Variants in SULT4A1 observed in about 807,000 individuals in gnomAD.
SULT4A1 encodes sulfotransferase family 4A member 1.
In SULT4A1, 11 loss-of-function variants were observed where a neutral mutation model predicts 35.2. That is an observed-to-expected ratio of 0.31 (90% CI 0.20 to 0.52). The LOEUF is 0.52. Among genes scored for constraint, SULT4A1 ranks in the 20% least tolerant of loss-of-function variants. The pLI, the probability that SULT4A1 is intolerant of heterozygous loss-of-function variation, is 0.97. For missense variants in SULT4A1, 271 were observed against 383.7 expected (o/e 0.71, Z 2.45); for synonymous variants, 152 against 151.8 (o/e 1.00, Z -0.01).
Position 43,833,718 on chromosome 22 carries a change from C to A in SULT4A1, c.525G>T (p.Trp175Cys). The A allele has an allele frequency of 6.4e-7, 1 of 1,573,784 alleles. No individual in the cohort carries two copies. The highest frequency in any genetic ancestry group is 8.6e-7 in the Non-Finnish European group (1 of 1,159,042). ...FMNDKLGYGS[W>C]FEHVQEFWEH... ...CCCAGAACTCCTGCACGTGCTCAAA[C>A]CAGGAGCCGTAGCCCACTGCGGAGA... is the stretch of plus-strand genomic sequence containing the variant. Residue 175 changes from tryptophan to cysteine, a missense_variant, in exon 5 of 7, where the codon TGG (tryptophan) becomes TGT (cysteine). This residue lies in a region of SULT4A1 where 164 missense variants were observed against 254.1 expected (regional missense o/e 0.65). Transcript: ENST00000330884.
At chr22:43,849,751 A>C (rs1481540764) in intron 1 of SULT4A1, among the ~76,000 whole-genome samples, 2 of 152,206 alleles carry the variant, frequency 1.3e-5, no homozygotes, top group Non-Finnish European at 2.9e-5. Context: ...CTCGGGTGCC[A>C]CGAGTGCAGG....
In SULT4A1 at chr22:43,825,225, T is replaced by C. The variant is rs2063278580; in HGVS notation, c.*776A>G. 1 of 152,216 alleles carries C rather than the reference T, an allele frequency of 6.6e-6. No individual in the cohort carries two copies. Among genetic ancestry groups the C allele is most frequent in the African/African-American group, 2.4e-5 (1 of 41,442 alleles). 9.4% of individuals were successfully genotyped at this position (152,216 alleles called of 1,614,324 possible). A position where few individuals can be genotyped will look rare whatever the true frequency, so the allele number is the denominator to read the frequency against. On this transcript the variant is annotated 3_prime_UTR_variant, in exon 7 of 7. Transcript: ENST00000330884. The stretch of plus-strand genomic sequence containing the variant: ...GCAACTCGGTCCTTTGGTGGCCGAC[T>C]CTCCACCCACTGCATGCAAATGCTC...
At position 43,833,630 on chromosome 22, in the gene SULT4A1, C is replaced by T; in HGVS notation, c.603+10G>A. 1 of 1,589,024 alleles carries T rather than the reference C, an allele frequency of 6.3e-7. No homozygotes were observed. Among genetic ancestry groups the T allele is most frequent in the South Asian group, 1.1e-5 (1 of 87,606 alleles). On this transcript the variant is annotated intron_variant, in intron 5 of 6. Transcript: ENST00000330884. ...GGCACCCGGAGGACAGCTGCTCCGGCAGCACTCACCCGATGCATGTCTTCA... is the reference window on the plus strand; with the variant it reads ...GGCACCCGGAGGACAGCTGCTCCGGTAGCACTCACCCGATGCATGTCTTCA...
intron 6 of SULT4A1, chr22:43,827,071 C>T (rs976954144): frequency 3.0e-6 from 3 of 985,424 alleles, no homozygotes; most frequent in Non-Finnish European, 3.6e-6. Flanking sequence ...CAACGGTGAC[C>T]GTGAAGATGT....
chr22:43,825,998 T>C lies in SULT4A1; in HGVS notation c.*3A>G. On this transcript the variant is annotated 3_prime_UTR_variant, in exon 7 of 7. Transcript: ENST00000330884. ...GTGAGCATGCAGGTTGTTGTTTCTG[T>C]TATTATAAATAAAAGTCAAACGTGA... The C allele has an allele frequency of 6.2e-7, 1 of 1,613,646 alleles. No homozygotes were observed. Among genetic ancestry groups the C allele is most frequent in the South Asian group, 1.1e-5 (1 of 91,012 alleles).
At chr22:43,859,987 G>A (rs917853282) in intron 1 of SULT4A1, among the ~76,000 whole-genome samples, 2 of 152,208 alleles carry the variant, frequency 1.3e-5, no homozygotes, top group Non-Finnish European at 2.9e-5. Flanking sequence ...GCAGCACGGG[G>A]TTGTGGGAAA....
At chr22:43,828,095 A>G (rs1603403683) in intron 6 of SULT4A1, among the ~76,000 whole-genome samples, 1 of 152,334 alleles carries the variant, frequency 6.6e-6, no homozygotes, top group African/African-American at 2.4e-5. Context: ...AGGGCAGCAG[A>G]GCTGAGCTGG....
At chr22:43,850,559 G>A (rs780332196) in intron 1 of SULT4A1, among the ~76,000 whole-genome samples, 15 of 152,110 alleles carry the variant, frequency 9.9e-5, no homozygotes, top group Non-Finnish European at 2.9e-5. Flanking sequence ...GTGGGTGTTC[G>A]CTCGATCCTG....
chr22:43,828,881 A>G (rs2063306291), intron 6 of SULT4A1, 179 bp downstream of exon 6: 2 of 614,062 alleles, frequency 3.3e-6, no homozygotes, highest in African/African-American at 3.8e-5. Context: ...TCACTCCATG[A>G]GCACTGTGCC....
chr22:43,854,244 G>C (rs1184227960), intron 1 of SULT4A1, among the ~76,000 whole-genome samples: 1 of 152,196 alleles, frequency 6.6e-6, no homozygotes, highest in African/African-American at 2.4e-5. Flanking sequence ...ACGACCATGT[G>C]ACATGGCCAA....
rs7284891 is a variant in SULT4A1, at chr22:43,831,520, G to A, written c.603+2120C>T. Among the ~76,000 whole-genome samples, 1,192 of 152,210 alleles carry A rather than the reference G, an allele frequency of 7.8e-3. 18 individuals carry two copies. Among genetic ancestry groups the A allele is most frequent in the African/African-American group, 0.028 (1,157 of 41,550 alleles). On this transcript the variant is annotated intron_variant, in intron 5 of 6. Transcript: ENST00000330884. Reference sequence around the variant, plus strand: ...TCCACCAAGACTCCAGAACGTCCACGGAGGCTTTATTCATGACCACCCCAA... The same window carrying A: ...TCCACCAAGACTCCAGAACGTCCACAGAGGCTTTATTCATGACCACCCCAA...
At position 43,862,205 on chromosome 22, in the gene SULT4A1, G is replaced by T; in HGVS notation, c.169+9C>A. The T allele has an allele frequency of 6.5e-7, 1 of 1,533,880 alleles. No homozygotes were observed. The highest frequency in any genetic ancestry group is 1.2e-5 in the South Asian group (1 of 85,120). On this transcript the variant is annotated intron_variant, in intron 1 of 6. Coordinates refer to ENST00000330884, the MANE Select transcript of SULT4A1 (RefSeq NM_014351.4). ...ATGGCGTGGCGGGCGCGGTCGGCGC[G>T]GGGCTCACCGGACTTGGGGTAGGTG...
chr22:43,852,258 CCTGG>C (rs2148301910), intron 1 of SULT4A1, among the ~76,000 whole-genome samples: 2 of 152,254 alleles, frequency 1.3e-5, no homozygotes, highest in East Asian at 3.9e-4. Context: ...GCCTCACCCT[CCTGG>C]GTCCAAGGGA....
At chr22:43,859,299 CA>C (rs1276750887) in intron 1 of SULT4A1, among the ~76,000 whole-genome samples, 3 of 152,216 alleles carry the variant, frequency 2.0e-5, no homozygotes, top group Non-Finnish European at 4.4e-5. Context: ...AACTGAGGTT[CA>C]AAGAAACCAG....
rs1254673088 is a variant in SULT4A1, at chr22:43,836,348, T to C, written c.508+2519A>G. On this transcript the variant is annotated intron_variant, in intron 4 of 6. Transcript: ENST00000330884. The stretch of plus-strand genomic sequence containing the variant: ...CTGCAGGTGCCACAGGGACCCTGTC[T>C]ACACAGCGTCCTCCAACTGCAGGTG... 4.4e-5 allele frequency among the ~76,000 whole-genome samples: 6 copies of C among 137,300 alleles called. No individual in the cohort carries two copies. In the East Asian group the frequency reaches 8.7e-4, roughly 20 times the overall value. 90.1% of individuals were successfully genotyped at this position (137,300 alleles called of 152,430 possible).
Position 43,825,863 on chromosome 22 carries a change from C to G in SULT4A1, c.*138G>C. On this transcript the variant is annotated 3_prime_UTR_variant, in exon 7 of 7. Transcript: ENST00000330884. ...TGGGAATCATCACACTCCCTCCGCT[C>G]ACGCCGCTCTTCCCTTCCCCCGCTG... 1.2e-6 allele frequency: 1 copy of G among 820,576 alleles called. No homozygotes were observed. 50.8% of individuals were successfully genotyped at this position (820,576 alleles called of 1,614,324 possible).
chr22:43,860,880 G>A (rs1021302489), intron 1 of SULT4A1, among the ~76,000 whole-genome samples: 6 of 152,134 alleles, frequency 3.9e-5, no homozygotes, highest in African/African-American at 1.2e-4. Context: ...GCTGGCCGTG[G>A]ACCGGGAGAC....
At chr22:43,842,170 G>A (rs2063436879) in intron 1 of SULT4A1, among the ~76,000 whole-genome samples, 1 of 152,204 alleles carries the variant, frequency 6.6e-6, no homozygotes, top group South Asian at 2.1e-4. Context: ...AGGGCTGTTA[G>A]GAGAACAGAA....
chr22:43,862,149 C>A, intron 1 of SULT4A1, 65 bp downstream of exon 1: 1 of 1,262,738 alleles, frequency 7.9e-7, no homozygotes, highest in Admixed American at 4.2e-5. Context: ...GCGGGCGCGG[C>A]GTCTACGCGG....
Sources: allele counts gnomAD v4.1 joint callset (sites outside exome capture counted in the v4.1 genomes callset), GRCh38; gene constraint gnomAD v4.1.1; regional missense constraint gnomAD v4.1.1; transcripts MANE v1.5; gene names NCBI Gene and HGNC (gene_info 2026-07-23, HGNC 2026-07-21).